Variants in CDK14 observed in about 807,000 individuals in gnomAD.
CDK14 encodes cyclin dependent kinase 14.
A neutral mutation model predicts 60.7 loss-of-function variants in CDK14; 34 were observed. The observed-to-expected ratio is 0.56, with a 90% CI of 0.43 to 0.75. The LOEUF (loss-of-function observed/expected upper bound fraction) is 0.75, where lower values mean the gene tolerates loss of function less well. CDK14 is among the 30% of genes least tolerant of loss of function. The pLI, the probability that CDK14 is intolerant of heterozygous loss-of-function variation, is 0.00. For missense variants in CDK14, 482 were observed against 564.1 expected, an observed-to-expected ratio of 0.85 and a Z score of 1.47; for synonymous variants, 197 against 203.7, an observed-to-expected ratio of 0.97 and a Z score of 0.28.
chr7:90,643,804 G>A (rs932066002), intron 2 of CDK14, among the ~76,000 whole-genome samples: 2 of 152,140 alleles, frequency 1.3e-5, no homozygotes, highest in Admixed American at 6.6e-5. Flanking sequence ...TGTGGCAGCA[G>A]TAAATTGAAA....
intron 9 of CDK14, among the ~76,000 whole-genome samples, chr7:90,981,108 G>C (rs1194080624): frequency 6.6e-6 from 1 of 152,100 alleles, no homozygotes; most frequent in African/African-American, 2.4e-5. Flanking sequence ...GAAGGTGCAG[G>C]TAGCTATTTA....
intron 10 of CDK14, among the ~76,000 whole-genome samples, chr7:91,008,127 C>CAAAAAAAAAAAAAAAA (rs56082719): frequency 6.4e-5 from 4 of 62,588 alleles, no homozygotes; most frequent in Admixed American, 2.0e-4. Flanking sequence ...GGGAGAAGGC[C>CAAAAAAAAAAAAAAAA]AAAAAAAAAA....
intron 14 of CDK14, among the ~76,000 whole-genome samples, chr7:91,197,524 T>C (rs1802585650): frequency 6.6e-6 from 1 of 152,138 alleles, no homozygotes; most frequent in Admixed American, 6.5e-5. Context: ...AAATCTGCAA[T>C]GTACCTCCTA....
At chr7:90,844,253 T>G (rs1213713072) in intron 5 of CDK14, among the ~76,000 whole-genome samples, 2 of 152,238 alleles carry the variant, frequency 1.3e-5, no homozygotes, top group African/African-American at 2.4e-5. Context: ...AGGTAAATTC[T>G]AATCTGCTTT....
At chr7:91,061,748 C>A (rs1440499009) in intron 11 of CDK14, among the ~76,000 whole-genome samples, 2 of 152,186 alleles carry the variant, frequency 1.3e-5, no homozygotes, top group Non-Finnish European at 2.9e-5. Context: ...GCTGCCTGAT[C>A]GTTCCTCTGG....
At chr7:90,801,316 T>C (rs1244137624) in intron 5 of CDK14, among the ~76,000 whole-genome samples, 1 of 152,250 alleles carries the variant, frequency 6.6e-6, no homozygotes, top group Admixed American at 6.5e-5. Context: ...TAGATAACTT[T>C]CTCCAATGTG....
At chr7:90,871,922 A>G (rs901990192) in intron 6 of CDK14, among the ~76,000 whole-genome samples, 2 of 152,216 alleles carry the variant, frequency 1.3e-5, no homozygotes, top group African/African-American at 2.4e-5. Context: ...ATTGGCATAT[A>G]TAAGTGTGTC....
chr7:91,046,986 C>G (rs1797257117), intron 11 of CDK14, among the ~76,000 whole-genome samples: 1 of 152,138 alleles, frequency 6.6e-6, no homozygotes, highest in Admixed American at 6.5e-5. Context: ...CTTTTATCTT[C>G]TTCAGCTGCC....
rs115500945 is a variant in CDK14, at chr7:90,662,611, C to T, written c.123+58362C>T. Among the ~76,000 whole-genome samples the T allele has an allele frequency of 3.6e-3, 552 of 152,342 alleles. 10 individuals are homozygous for T. The highest frequency in any genetic ancestry group is 0.013 in the African/African-American group (532 of 41,578). On this transcript the variant is annotated intron_variant, in intron 2 of 14. Coordinates refer to ENST00000380050, the MANE Select transcript of CDK14 (RefSeq NM_001287135.2). ...TTCCTCCTTTGTAAAATCACATTTA[C>T]TTCCTCACAGAAATGCAAGGATGCT...
intron 7 of CDK14, among the ~76,000 whole-genome samples, chr7:90,906,192 T>A (rs1490601591): frequency 6.6e-6 from 1 of 152,182 alleles, no homozygotes; most frequent in East Asian, 1.9e-4. Context: ...ATTTACTAAG[T>A]TAACAGCTGT....
chr7:90,643,563 C>T (rs7797824), intron 2 of CDK14, among the ~76,000 whole-genome samples: 52,764 of 151,980 alleles, frequency 0.35, 9,332 homozygotes, highest in Non-Finnish European at 0.39. Flanking sequence ...GTGGTTTTCC[C>T]GCTAAGTATG....
chr7:90,677,368 AT>A (rs1264230735), intron 2 of CDK14, among the ~76,000 whole-genome samples: 3 of 152,146 alleles, frequency 2.0e-5, no homozygotes, highest in Non-Finnish European at 4.4e-5. Context: ...TTTCATACTA[AT>A]TTTCACTTTT....
chr7:90,828,857 A>G (rs1282189248), intron 5 of CDK14, among the ~76,000 whole-genome samples: 2 of 152,216 alleles, frequency 1.3e-5, no homozygotes, highest in African/African-American at 2.4e-5. Flanking sequence ...GTTTTTCACA[A>G]AAGTTTCATT....
intron 2 of CDK14, among the ~76,000 whole-genome samples, chr7:90,610,127 C>T (rs988508081): frequency 6.6e-6 from 1 of 152,138 alleles, no homozygotes; most frequent in Non-Finnish European, 1.5e-5. Flanking sequence ...TGTCCCATCC[C>T]ATTCTCATAG....
chr7:90,799,360 C>T (rs1788545693), intron 5 of CDK14, among the ~76,000 whole-genome samples: 1 of 152,126 alleles, frequency 6.6e-6, no homozygotes, highest in African/African-American at 2.4e-5. Flanking sequence ...AGAAGTCACT[C>T]ACCTAAGGTT....
At chr7:90,602,740 ACTAT>A (rs1366399367) in intron 1 of CDK14, among the ~76,000 whole-genome samples, 1 of 152,208 alleles carries the variant, frequency 6.6e-6, no homozygotes, top group Non-Finnish European at 1.5e-5. Flanking sequence ...ACAACAAAGG[ACTAT>A]CTTTTTATTT....
At chr7:91,073,789 T>A (rs1308745331) in intron 11 of CDK14, among the ~76,000 whole-genome samples, 21 of 150,974 alleles carry the variant, frequency 1.4e-4, no homozygotes, top group East Asian at 3.9e-4. Flanking sequence ...TGGGCCAAAA[T>A]AAGGGATGGA....
At chr7:90,713,670 A>G (rs2116656649) in intron 2 of CDK14, among the ~76,000 whole-genome samples, 1 of 146,072 alleles carries the variant, frequency 6.8e-6, no homozygotes, top group East Asian at 2.0e-4. Context: ...GAGAGAATGG[A>G]GAGAAATGGA....
intron 5 of CDK14, among the ~76,000 whole-genome samples, chr7:90,819,557 G>C (rs1035102847): frequency 1.3e-5 from 2 of 151,756 alleles, no homozygotes; most frequent in Admixed American, 1.3e-4. Context: ...TGTAGGCCTG[G>C]TTGAGTTCAT....
Sources: allele counts gnomAD v4.1 joint callset (sites outside exome capture counted in the v4.1 genomes callset), GRCh38; gene constraint gnomAD v4.1.1; transcripts MANE v1.5; gene names NCBI Gene and HGNC (gene_info 2026-07-23, HGNC 2026-07-21).